Variants in TNFSF4 observed in about 807,000 individuals in gnomAD.
The protein encoded by TNFSF4 is tumor necrosis factor ligand superfamily member 4.
Under a neutral mutation model 7.3 loss-of-function variants are expected in TNFSF4, and 4 were observed. The ratio of observed to expected loss-of-function variants is 0.55; its 90% CI spans 0.27 to 1.25. The LOEUF is 1.25. Ranked by LOEUF, TNFSF4 falls within the 50% of genes most tolerant of loss-of-function variation. The probability of loss-of-function intolerance (pLI) is 0.12; values close to 1 mark genes in which losing one functional copy is unlikely to be tolerated. For missense variants in TNFSF4, 181 were observed against 208.8 expected (o/e 0.87, Z 0.82); for synonymous variants, 76 against 83.7 (o/e 0.91, Z 0.50).
At chr1:173,420,565 A>AC in the TNFSF4 span, among the ~76,000 whole-genome samples, 1 of 151,990 alleles carries the variant, frequency 6.6e-6, no homozygotes, top group Non-Finnish European at 1.5e-5. Flanking sequence ...TGGCCAGTAG[A>AC]CCCTACCCTC....
chr1:173,255,757 T>C, the TNFSF4 span, among the ~76,000 whole-genome samples: 11 of 152,340 alleles, frequency 7.2e-5, no homozygotes, highest in African/African-American at 2.6e-4. Flanking sequence ...AACTAAGAAA[T>C]AACCATCTCT....
At chr1:173,292,815 T>C in the TNFSF4 span, among the ~76,000 whole-genome samples, 2 of 152,028 alleles carry the variant, frequency 1.3e-5, no homozygotes, top group African/African-American at 2.4e-5. Flanking sequence ...ATAAAATCAA[T>C]GTACAAAAAT....
At chr1:173,265,086 T>C in the TNFSF4 span, among the ~76,000 whole-genome samples, 4 of 152,226 alleles carry the variant, frequency 2.6e-5, no homozygotes, top group Admixed American at 2.0e-4. Flanking sequence ...GAGACTTCTC[T>C]AATACCAATA....
Position 173,186,379 on chromosome 1 carries a change from G to C in TNFSF4, c.*137C>G. On this transcript the variant is annotated 3_prime_UTR_variant, in exon 3 of 3. Transcript: ENST00000281834. ...ATCCCTGAGGGGTGGGGGCGGGAGG[G>C]CCAGGATCTGCTTCTTGTCACATCC... 1.5e-6 allele frequency: 1 copy of C among 649,382 alleles called. No individual in the cohort carries two copies. Among genetic ancestry groups the C allele is most frequent in the Non-Finnish European group, 2.6e-6 (1 of 381,436 alleles). 40.2% of individuals were successfully genotyped at this position (649,382 alleles called of 1,614,324 possible).
chr1:173,313,232 C>A, the TNFSF4 span, among the ~76,000 whole-genome samples: 3 of 151,946 alleles, frequency 2.0e-5, no homozygotes, highest in Non-Finnish European at 4.4e-5. Flanking sequence ...TTTTTTTCTT[C>A]TGATTTATCA....
the TNFSF4 span, among the ~76,000 whole-genome samples, chr1:173,338,172 G>A: frequency 6.6e-6 from 1 of 152,158 alleles, no homozygotes; most frequent in Non-Finnish European, 1.5e-5. Context: ...TCCCCCACAG[G>A]AATCAGACAG....
the TNFSF4 span, among the ~76,000 whole-genome samples, chr1:173,338,667 G>A: frequency 7.2e-5 from 11 of 152,252 alleles, no homozygotes; most frequent in African/African-American, 2.2e-4. Context: ...GAATGCAAAT[G>A]GGAGTGGCAC....
chr1:173,346,403 C>G, the TNFSF4 span, among the ~76,000 whole-genome samples: 1 of 152,142 alleles, frequency 6.6e-6, no homozygotes, highest in African/African-American at 2.4e-5. Context: ...TACCCACTCC[C>G]ATAAAGGAGA....
rs747101816 is a variant in TNFSF4, at chr1:173,188,502, A to T, written c.202+19T>A. The T allele has an allele frequency of 6.3e-7, 1 of 1,584,312 alleles. No homozygotes were observed. ...TTCTTTCAAAAATATGAATCAATTA[A>T]ACTTTTGACAATACTTACCGGTAAA... is the stretch of plus-strand genomic sequence containing the variant. On this transcript the variant is annotated intron_variant, in intron 2 of 2. Transcript: ENST00000281834.
the TNFSF4 span, among the ~76,000 whole-genome samples, chr1:173,275,749 G>A: frequency 6.6e-6 from 1 of 152,104 alleles, no homozygotes; most frequent in African/African-American, 2.4e-5. Context: ...TCCCCACCAT[G>A]GGACACACAT....
the TNFSF4 span, among the ~76,000 whole-genome samples, chr1:173,407,703 G>GGGGTGT: frequency 5.4e-5 from 8 of 148,252 alleles, no homozygotes; most frequent in East Asian, 5.9e-4. Flanking sequence ...GATGTAAATG[G>GGGGTGT]GTGTGTGTGT....
intron 1 of TNFSF4, 58 bp downstream of exon 1, chr1:173,206,966 G>C: frequency 6.5e-7 from 1 of 1,535,538 alleles, no homozygotes; most frequent in East Asian, 2.3e-5. Context: ...GTTTGCAGCT[G>C]TTGCAGCTGC....
chr1:173,277,658 A>G, the TNFSF4 span, among the ~76,000 whole-genome samples: 1 of 152,126 alleles, frequency 6.6e-6, no homozygotes, highest in Non-Finnish European at 1.5e-5. Flanking sequence ...CTGCATTAGC[A>G]CTATCTCTGG....
chr1:173,389,245 A>T, the TNFSF4 span, among the ~76,000 whole-genome samples: 3 of 152,294 alleles, frequency 2.0e-5, no homozygotes, highest in East Asian at 5.8e-4. Context: ...ATTTATTTAG[A>T]TATCTAGCAG....
the TNFSF4 span, among the ~76,000 whole-genome samples, chr1:173,278,806 T>C: frequency 6.6e-6 from 1 of 152,030 alleles, no homozygotes; most frequent in African/African-American, 2.4e-5. Flanking sequence ...ATTTAGCCAA[T>C]TAATCAAGAA....
At chr1:173,284,967 A>G in the TNFSF4 span, among the ~76,000 whole-genome samples, 13 of 152,190 alleles carry the variant, frequency 8.5e-5, no homozygotes, top group Non-Finnish European at 1.3e-4. Context: ...TTCAAGTTCT[A>G]TTAAAGAAAT....
chr1:173,442,939 C>T, the TNFSF4 span, among the ~76,000 whole-genome samples: 1 of 152,086 alleles, frequency 6.6e-6, no homozygotes, highest in Non-Finnish European at 1.5e-5. Flanking sequence ...CCTGCCTCAC[C>T]CTCCCAAAGT....
At chr1:173,173,271 A>G in the TNFSF4 span, among the ~76,000 whole-genome samples, 1 of 152,194 alleles carries the variant, frequency 6.6e-6, no homozygotes, top group African/African-American at 2.4e-5. Context: ...ACAGTTCCCC[A>G]AAGTCTTAAC....
chr1:173,219,300 A>G, the TNFSF4 span, among the ~76,000 whole-genome samples: 98 of 152,308 alleles, frequency 6.4e-4, 1 homozygote, highest in East Asian at 0.018. Flanking sequence ...ATTGACTTAA[A>G]TATAATCCTC....
Sources: allele counts gnomAD v4.1 joint callset (sites outside exome capture counted in the v4.1 genomes callset), GRCh38; gene constraint gnomAD v4.1.1; transcripts MANE v1.5; gene names NCBI Gene and HGNC (gene_info 2026-07-23, HGNC 2026-07-21).